Variants in RIN3 observed in about 807,000 individuals in gnomAD.
The protein encoded by RIN3 is RAB5 interacting protein 3.
In RIN3, 54 loss-of-function variants were observed where a neutral mutation model predicts 76.3. That is an observed-to-expected ratio of 0.71 (90% CI 0.57 to 0.89). The LOEUF (loss-of-function observed/expected upper bound fraction) is 0.89. Among genes scored for constraint, RIN3 ranks in the 40% least tolerant of loss-of-function variants. The pLI is 0.00. For missense variants in RIN3, 1,256 were observed against 1,322.1 expected (o/e 0.95, Z 0.78); for synonymous variants, 576 against 564.0 (o/e 1.02, Z -0.30).
At chr14:92,537,347 T>A (rs896731977) in intron 1 of RIN3, among the ~76,000 whole-genome samples, 1 of 152,202 alleles carries the variant, frequency 6.6e-6, no homozygotes, top group African/African-American at 2.4e-5. Context: ...TGATTCTTCT[T>A]ACAGTTGTAT....
intron 8 of RIN3, among the ~76,000 whole-genome samples, chr14:92,682,124 T>G (rs1255678760): frequency 1.3e-5 from 2 of 152,184 alleles, no homozygotes; most frequent in Non-Finnish European, 2.9e-5. Flanking sequence ...TGACCTCAAG[T>G]GATCCACCCG....
chr14:92,609,391 T>C (rs929503628), intron 3 of RIN3, among the ~76,000 whole-genome samples: 1 of 152,182 alleles, frequency 6.6e-6, no homozygotes, highest in Non-Finnish European at 1.5e-5. Context: ...TGCATTGGGT[T>C]CGGCTGCCTG....
intron 2 of RIN3, among the ~76,000 whole-genome samples, chr14:92,572,400 T>A (rs1339234845): frequency 6.6e-6 from 1 of 152,184 alleles, no homozygotes; most frequent in Non-Finnish European, 1.5e-5. Flanking sequence ...ACGGGCACAG[T>A]TTGTGAGATG....
chr14:92,528,858 C>A (rs1012672127), intron 1 of RIN3, among the ~76,000 whole-genome samples: 3 of 152,160 alleles, frequency 2.0e-5, no homozygotes, highest in Non-Finnish European at 2.9e-5. Context: ...GGGACACACT[C>A]CAGTTCTGGG....
intron 5 of RIN3, among the ~76,000 whole-genome samples, chr14:92,650,006 T>C (rs72699870): frequency 0.18 from 27,040 of 152,190 alleles, 2,613 homozygotes; most frequent in African/African-American, 0.2. Flanking sequence ...GCCAGCAAGA[T>C]GGCAAATGCC....
chr14:92,643,845 T>A lies in RIN3; in HGVS notation c.532+2516T>A, dbSNP rs991024430. ...CCGGAGGCTGAGGCAGGAGAATTGC[T>A]TGAACCTGGGAGGCGGAGATTGCAG... is the stretch of plus-strand genomic sequence containing the variant. On this transcript the variant is annotated intron_variant, in intron 5 of 9. Coordinates refer to ENST00000216487, the MANE Select transcript of RIN3 (RefSeq NM_024832.5). This position sits in a 1 kb window ranked among gnomAD's most constrained non-coding sequence, Gnocchi z 4.8. Among the ~76,000 whole-genome samples, 1 of 152,130 alleles carries A rather than the reference T, an allele frequency of 6.6e-6. No homozygotes were observed. Among genetic ancestry groups the A allele is most frequent in the African/African-American group, 2.4e-5 (1 of 41,412 alleles).
Position 92,514,651 on chromosome 14 carries a change from G to T in RIN3, c.44+675G>T, listed in dbSNP as rs1237958100. Among the ~76,000 whole-genome samples, 1 of 152,226 alleles carries T rather than the reference G, an allele frequency of 6.6e-6. No homozygotes were observed. Among genetic ancestry groups the T allele is most frequent in the African/African-American group, 2.4e-5 (1 of 41,466 alleles). On this transcript the variant is annotated intron_variant, in intron 1 of 9. Transcript: ENST00000216487. The surrounding 1 kb of genome is among the most constrained non-coding windows in gnomAD (Gnocchi z 7.2). ...GGGCTGTGGATGCATGACGCCGAAT[G>T]GTTTGGGAACTGACTTGGAGAGGAG...
chr14:92,624,945 G>A (rs193181244), intron 4 of RIN3, among the ~76,000 whole-genome samples: 45 of 152,024 alleles, frequency 3.0e-4, no homozygotes, highest in African/African-American at 9.7e-4. Flanking sequence ...GTCCCTCCCA[G>A]GACGGTTCAA....
intron 1 of RIN3, among the ~76,000 whole-genome samples, chr14:92,529,410 G>T (rs191765497): frequency 6.6e-6 from 1 of 151,830 alleles, no homozygotes; most frequent in Admixed American, 6.6e-5. Context: ...CACCACGCCC[G>T]GCTAATTTTT....
chr14:92,653,108 G>A (rs1436116765), intron 6 of RIN3, 33 bp downstream of exon 6: 2 of 1,570,606 alleles, frequency 1.3e-6, no homozygotes, highest in Admixed American at 1.8e-5. Context: ...GCAGGGAGGA[G>A]AGGGCGGTGG....
At chr14:92,580,717 A>G (rs1898407587) in intron 3 of RIN3, among the ~76,000 whole-genome samples, 1 of 152,216 alleles carries the variant, frequency 6.6e-6, no homozygotes, top group South Asian at 2.1e-4. Flanking sequence ...GTTTCCTAGG[A>G]CTGACTCCAA....
chr14:92,653,193 C>T, intron 6 of RIN3, 118 bp downstream of exon 6: 1 of 1,091,708 alleles, frequency 9.2e-7, no homozygotes, highest in Non-Finnish European at 1.3e-6. Flanking sequence ...ACCCCCTATC[C>T]CTTCCTGGGC....
intron 4 of RIN3, among the ~76,000 whole-genome samples, chr14:92,640,856 CTG>C (rs961521848): frequency 3.3e-5 from 5 of 152,098 alleles, no homozygotes; most frequent in African/African-American, 1.2e-4. Flanking sequence ...AGATGCCTGA[CTG>C]TGTGCTCACT....
intron 1 of RIN3, among the ~76,000 whole-genome samples, chr14:92,535,778 G>A (rs111601392): frequency 2.7e-5 from 4 of 149,008 alleles, no homozygotes; most frequent in African/African-American, 9.9e-5. Context: ...GGGTTCAAGC[G>A]ATTCTCCTGC....
intron 1 of RIN3, among the ~76,000 whole-genome samples, chr14:92,529,882 G>C (rs886480989): frequency 1.3e-5 from 2 of 152,200 alleles, no homozygotes; most frequent in African/African-American, 4.8e-5. Flanking sequence ...CTGTTGCTGT[G>C]AGTTCAGTGT....
chr14:92,552,716 C>T (rs995623528), intron 1 of RIN3, among the ~76,000 whole-genome samples: 1 of 152,156 alleles, frequency 6.6e-6, no homozygotes, highest in Non-Finnish European at 1.5e-5. Context: ...GGTGTCTTCC[C>T]TGGCCACCCA....
rs533580548 is a variant in RIN3 at position 92,547,708 on chromosome 14, T to C, written c.45-8043T>C. ...ACTGTGCCTGGCCTATTTAAGATGATTGTTTTCTTTTTTGAGACAGAGTCT... is the reference window on the plus strand; with the variant it reads ...ACTGTGCCTGGCCTATTTAAGATGACTGTTTTCTTTTTTGAGACAGAGTCT... On this transcript the variant is annotated intron_variant, in intron 1 of 9. Transcript: ENST00000216487. Among the ~76,000 whole-genome samples the C allele has an allele frequency of 5.5e-5, 8 of 145,418 alleles. No homozygotes were observed. The East Asian group carries it at 8.3e-4, about 15-fold the overall frequency.
intron 2 of RIN3, among the ~76,000 whole-genome samples, chr14:92,575,119 T>C (rs1898183618): frequency 6.6e-6 from 1 of 151,878 alleles, no homozygotes; most frequent in Admixed American, 6.5e-5. Context: ...TAATTAATAA[T>C]ATTAATATGG....
chr14:92,629,328 G>A (rs374420854), intron 4 of RIN3, among the ~76,000 whole-genome samples: 13 of 152,284 alleles, frequency 8.5e-5, no homozygotes, highest in East Asian at 5.8e-4. Flanking sequence ...TAGACAAAAC[G>A]CACGAGCAAA....
Sources: gnomAD v4.1 joint callset for allele counts (sites outside exome capture counted in the v4.1 genomes callset) on GRCh38, gnomAD v4.1.1 for gene constraint, Gnocchi (gnomAD v3.1) non-coding constraint, MANE v1.5 for transcripts, NCBI Gene and HGNC (gene_info 2026-07-23, HGNC 2026-07-21) for gene names.